The following ZNF519 variants were observed in gnomAD, a reference collection of about 807,000 sequenced individuals.
The protein encoded by ZNF519 is similar to Zinc finger protein 85 (Zinc finger protein HPF4) (HTF1).
ZNF519 carries 7 observed loss-of-function variants against 7.4 expected under a neutral mutation model. That is an observed-to-expected ratio of 0.94 (90% CI 0.54 to 1.77). The LOEUF (loss-of-function observed/expected upper bound fraction) is 1.77, where lower values mean the gene tolerates loss of function less well. Among genes scored for constraint, ZNF519 ranks in the 40% most tolerant of loss-of-function variants. The pLI, the probability that ZNF519 is intolerant of heterozygous loss-of-function variation, is 0.00. For synonymous variants in ZNF519, 179 were observed against 203.3 expected (o/e 0.88, Z 1.02); for missense variants, 586 against 623.1 (o/e 0.94, Z 0.63).
At chr18:14,129,619 G>T (rs974497823) in intron 1 of ZNF519, among the ~76,000 whole-genome samples, 18 of 152,080 alleles carry the variant, frequency 1.2e-4, no homozygotes, top group Non-Finnish European at 2.1e-4. Context: ...GACACAAAAC[G>T]TAAGGAGTTT....
chr18:14,110,354 T>C (rs978287751), intron 2 of ZNF519, among the ~76,000 whole-genome samples: 3 of 152,004 alleles, frequency 2.0e-5, no homozygotes, highest in Admixed American at 2.0e-4. Context: ...AATGGGACCT[T>C]ATTAAACTAA....
At chr18:14,091,818 G>A (rs190935000) in intron 2 of ZNF519, among the ~76,000 whole-genome samples, 1 of 152,184 alleles carries the variant, frequency 6.6e-6, no homozygotes, top group East Asian at 1.9e-4. Flanking sequence ...CCTGAGCAGT[G>A]AGGACACCTG....
intron 2 of ZNF519, among the ~76,000 whole-genome samples, chr18:14,091,984 T>C (rs1354803024): frequency 6.6e-6 from 1 of 152,034 alleles, no homozygotes; most frequent in African/African-American, 2.4e-5. Context: ...GGTCAGATGA[T>C]GGAGGGAGCT....
intron 3 of ZNF519, among the ~76,000 whole-genome samples, chr18:14,083,785 G>A (rs2046079036): frequency 6.6e-6 from 1 of 152,176 alleles, no homozygotes; most frequent in Admixed American, 6.5e-5. Context: ...ATGAAGTCAA[G>A]TAGAACAAGT....
exon 5 of ZNF519, chr18:14,077,111 G>GA (rs35776417): frequency 3.9e-5 from 6 of 152,082 alleles, no homozygotes; most frequent in Admixed American, 3.3e-4. Flanking sequence ...AGAGAACTGG[G>GA]AAAAAACAGA....
intron 2 of ZNF519, among the ~76,000 whole-genome samples, chr18:14,112,063 T>C (rs1202761348): frequency 6.6e-6 from 1 of 152,164 alleles, no homozygotes; most frequent in Non-Finnish European, 1.5e-5. Context: ...TTATTATAGA[T>C]GTAAAATTTC....
rs1486366606 is a variant in ZNF519 at position 14,107,966 on chromosome 18, T to C, written c.131-1557A>G. Among the ~76,000 whole-genome samples, 3 of 152,172 alleles carry C rather than the reference T, an allele frequency of 2.0e-5. No individual in the cohort carries two copies. In the East Asian group the frequency reaches 5.8e-4, roughly 29 times the overall value. Reference sequence around the variant, plus strand: ...TATTGACTAGCCCCTGGCTCCTGGATGGCACCGATGGGCTTGCCGAGAGCC... The same window carrying C: ...TATTGACTAGCCCCTGGCTCCTGGACGGCACCGATGGGCTTGCCGAGAGCC... On this transcript the variant is annotated intron_variant, in intron 2 of 2. Coordinates refer to ENST00000590202, the MANE Select transcript of ZNF519 (RefSeq NM_145287.4).
At chr18:14,129,869 T>C (rs1252711160) in intron 1 of ZNF519, among the ~76,000 whole-genome samples, 1 of 152,078 alleles carries the variant, frequency 6.6e-6, no homozygotes, top group Non-Finnish European at 1.5e-5. Context: ...TTCACAGAAC[T>C]CAGCAAAGCA....
At chr18:14,131,849 AC>A (rs2143181806) in intron 1 of ZNF519, among the ~76,000 whole-genome samples, 1 of 152,090 alleles carries the variant, frequency 6.6e-6, no homozygotes, top group East Asian at 1.9e-4. Flanking sequence ...CCAACCACAA[AC>A]CATTGCTGAG....
At chr18:14,077,660 G>T (rs1449091120) in intron 4 of ZNF519, 1 of 152,154 alleles carries the variant, frequency 6.6e-6, no homozygotes, top group Non-Finnish European at 1.5e-5. Context: ...TTTTGGAGAG[G>T]TTCTTCTTTT....
At chr18:14,089,456 C>T (rs1463441858) in intron 2 of ZNF519, among the ~76,000 whole-genome samples, 6 of 152,276 alleles carry the variant, frequency 3.9e-5, no homozygotes, top group African/African-American at 1.4e-4. Flanking sequence ...TCCGGACACA[C>T]ACTGAGTCTA....
chr18:14,110,210 G>T (rs2046213269), intron 2 of ZNF519, among the ~76,000 whole-genome samples: 1 of 152,062 alleles, frequency 6.6e-6, no homozygotes, highest in Admixed American at 6.6e-5. Context: ...ATGGATCAAA[G>T]ATTTAAATCT....
chr18:14,124,555 A>T, intron 1 of ZNF519, 79 bp from the exon 2 acceptor site: 1 of 1,507,090 alleles, frequency 6.6e-7, no homozygotes, highest in Non-Finnish European at 9.1e-7. Context: ...GTTCTGACTT[A>T]TGTGGCTGAC....
chr18:14,076,163 G>C (rs1360183681), exon 5 of ZNF519: 1 of 152,058 alleles, frequency 6.6e-6, no homozygotes, highest in African/African-American at 2.4e-5. Context: ...CTTGGACCTA[G>C]TCAGTCTTTT....
At chr18:14,090,696 C>G (rs370311572) in intron 2 of ZNF519, 2 of 152,272 alleles carry the variant, frequency 1.3e-5, no homozygotes, top group Non-Finnish European at 2.9e-5. Flanking sequence ...GTTCCTCCCC[C>G]ATCACATGCT....
At chr18:14,098,592 T>C (rs1423258691), downstream of ZNF519, among the ~76,000 whole-genome samples, 1 of 152,154 alleles carries the variant, frequency 6.6e-6, no homozygotes, top group Non-Finnish European at 1.5e-5. Flanking sequence ...CTTGTTACAA[T>C]AGCCAGGGAG....
At position 14,105,474 on chromosome 18, in the gene ZNF519, C is replaced by G. The variant is rs148197636; in HGVS notation, c.1066G>C (p.Ala356Pro). ...GTAAGGTATGACCCCCTGTTAAAGG[C>G]TTTGCCACATTCTTCACATTTGAAA... The part of the protein sequence containing the change: ...RAFKCEECGK[A>P]FNRGSYLTQH... Residue 356 changes from alanine (A) to proline (P), a missense_variant, in exon 3 of 3, where the codon GCC becomes CCC. Ala to Pro is a conservative substitution (Grantham distance 27). Transcript: ENST00000590202. 5.5e-4 allele frequency: 894 copies of G among 1,613,894 alleles called. 1 individual carries two copies. The highest frequency in any genetic ancestry group is 7.2e-4 in the Non-Finnish European group (854 of 1,179,948).
intron 2 of ZNF519, among the ~76,000 whole-genome samples, chr18:14,118,215 C>T (rs1033119474): frequency 1.3e-5 from 2 of 152,120 alleles, no homozygotes; most frequent in South Asian, 2.1e-4. Context: ...CCCGCCACCA[C>T]GCCCAGCTAA....
intron 2 of ZNF519, among the ~76,000 whole-genome samples, chr18:14,118,042 G>A (rs1194961208): frequency 6.6e-6 from 1 of 152,110 alleles, no homozygotes; most frequent in African/African-American, 2.4e-5. Flanking sequence ...TTTTAAAGAT[G>A]TGCCTTATAT....
Sources: gnomAD v4.1 joint callset for allele counts (sites outside exome capture counted in the v4.1 genomes callset) on GRCh38, gnomAD v4.1.1 for gene constraint, MANE v1.5 for transcripts, NCBI Gene and HGNC (gene_info 2026-07-23, HGNC 2026-07-21) for gene names.